The following CCDC32 variants were observed in gnomAD, a reference collection of about 807,000 sequenced individuals.
CCDC32 encodes coiled-coil domain containing 32, also known as coiled-coil domain-containing protein 32.
CCDC32 carries 9 observed loss-of-function variants against 20.1 expected under a neutral mutation model. The ratio of observed to expected loss-of-function variants is 0.45; its 90% CI spans 0.27 to 0.78. The LOEUF is 0.78. CCDC32 is among the 30% of genes least tolerant of loss of function. The pLI is 0.16. For missense variants in CCDC32, 204 were observed against 215.5 expected, an observed-to-expected ratio of 0.95 and a Z score of 0.33; for synonymous variants, 63 against 79.0, an observed-to-expected ratio of 0.80 and a Z score of 1.07.
At chr15:40,537,839 A>C (rs991060372), downstream of CCDC32, 3 of 152,356 alleles carry the variant, frequency 2.0e-5, no homozygotes, top group Admixed American at 6.5e-5. Context: ...AATCTCAGCT[A>C]CTGGGGAGGC....
intron 3 of CCDC32, among the ~76,000 whole-genome samples, chr15:40,545,211 A>G (rs1889566111): frequency 6.6e-6 from 1 of 152,202 alleles, no homozygotes; most frequent in African/African-American, 2.4e-5. Flanking sequence ...CATTCTGCTA[A>G]GCCAATATTT....
rs1417039811 is a variant in CCDC32, at chr15:40,540,880, A to C, written c.402-1525T>G. On this transcript the variant is annotated intron_variant, in intron 3 of 3. Transcript: ENST00000558113. ...CTGGTGCCCTCAGTCCAGAGAGCCCAGTGAGAAGCTGGGCCAAGAAGGAAG... is the reference window on the plus strand; with the variant it reads ...CTGGTGCCCTCAGTCCAGAGAGCCCCGTGAGAAGCTGGGCCAAGAAGGAAG... 4.6e-5 allele frequency among the ~76,000 whole-genome samples: 7 copies of C among 152,290 alleles called. No individual in the cohort carries two copies. The East Asian group carries it at 1.4e-3, about 29-fold the overall frequency.
chr15:40,539,840 CCACACACACACACACA>C (rs142688774), intron 3 of CCDC32, among the ~76,000 whole-genome samples: 12 of 134,542 alleles, frequency 8.9e-5, no homozygotes, highest in Admixed American at 1.6e-4. Context: ...CAAACTGTTG[CCACACACACACACACA>C]CACACACACA....
chr15:40,539,793 G>A (rs1889297535), intron 3 of CCDC32, among the ~76,000 whole-genome samples: 1 of 150,118 alleles, frequency 6.7e-6, no homozygotes, highest in Non-Finnish European at 1.5e-5. Context: ...GACAACATTT[G>A]CCACCTTAAG....
At chr15:40,559,352 C>T (rs1363463770) in intron 2 of CCDC32, among the ~76,000 whole-genome samples, 4 of 152,164 alleles carry the variant, frequency 2.6e-5, no homozygotes, top group Non-Finnish European at 5.9e-5. Flanking sequence ...CCTCTCAGAG[C>T]GCTGGGATTA....
downstream of CCDC32, among the ~76,000 whole-genome samples, chr15:40,523,685 C>T (rs1367729485): frequency 6.6e-6 from 1 of 151,922 alleles, no homozygotes; most frequent in African/African-American, 2.4e-5. Context: ...TAAAAAGGGT[C>T]AATAAACAAA....
chr15:40,542,770 G>T (rs1168063233), intron 3 of CCDC32, among the ~76,000 whole-genome samples: 1 of 151,962 alleles, frequency 6.6e-6, no homozygotes, highest in African/African-American at 2.4e-5. Context: ...TCAGGAGGTT[G>T]AGGCAGGAGA....
At chr15:40,521,729 T>C in the CCDC32 span, among the ~76,000 whole-genome samples, 1 of 152,244 alleles carries the variant, frequency 6.6e-6, no homozygotes, top group South Asian at 2.1e-4. Context: ...TGCCTTTCCA[T>C]GATGGCTAGT....
downstream of CCDC32, chr15:40,539,163 G>A (rs974552611): frequency 3.2e-5 from 41 of 1,295,018 alleles, no homozygotes; most frequent in Middle Eastern, 5.0e-4. Flanking sequence ...CCCAGCTCCC[G>A]CTCAAACCTG....
intron 3 of CCDC32, 68 bp downstream of exon 3, chr15:40,557,148 G>C: frequency 1.3e-6 from 2 of 1,523,540 alleles, no homozygotes; most frequent in South Asian, 2.6e-5. Flanking sequence ...TCTACTGCTG[G>C]GCTAAAAACA....
chr15:40,543,151 AC>A (rs1262290572), intron 3 of CCDC32, among the ~76,000 whole-genome samples: 2 of 151,810 alleles, frequency 1.3e-5, no homozygotes, highest in East Asian at 3.9e-4. Context: ...AAAAAAAAAA[AC>A]AAAATGGAAA....
downstream of CCDC32, chr15:40,532,068 C>T (rs1416675210): frequency 6.6e-6 from 3 of 452,128 alleles, no homozygotes; most frequent in Non-Finnish European, 1.2e-5. Context: ...GCCAACCGTA[C>T]TTAGCATAAA....
At chr15:40,528,504 G>T (rs563817755), downstream of CCDC32, among the ~76,000 whole-genome samples, 162 of 152,320 alleles carry the variant, frequency 1.1e-3, no homozygotes, top group African/African-American at 3.8e-3. Flanking sequence ...ATGGGATGCA[G>T]ACTGTGGAAT....
rs752858870 is a variant in CCDC32 at position 40,562,798 on chromosome 15, T to C, written c.218A>G (p.Asp73Gly). ...PAVKPWAPLQ[D>G]SEVYLASLEK... ...TAGAGATGCTAAATACACTTCTGAA[T>C]CCTGCAAGGGAGCCCAAGGCTTTAC... The change falls in exon 2 of 4, where the codon GAT (aspartate) becomes GGT (glycine). Residue 73 changes from aspartate (D) to glycine (G), a missense_variant. Coordinates refer to ENST00000416810, the MANE Select transcript of CCDC32 (RefSeq NM_001080792.4). The C allele has an allele frequency of 1.5e-5, 24 of 1,614,122 alleles. No homozygotes were observed. In the South Asian group the frequency reaches 2.3e-4, roughly 16 times the overall value.
At chr15:40,525,569 A>G (rs556620602), downstream of CCDC32, among the ~76,000 whole-genome samples, 1 of 152,296 alleles carries the variant, frequency 6.6e-6, no homozygotes, top group East Asian at 1.9e-4. Context: ...TATTTCCAAG[A>G]CCTCAGGGAG....
Position 40,557,218 on chromosome 15 carries a change from C to G in CCDC32, c.399G>C (p.Glu133Asp), listed in dbSNP as rs1448509833. Residue 133 changes from glutamate to aspartate, a missense_variant and splice_region_variant, in exon 3 of 4, where the codon GAG becomes GAC. By Grantham distance (45) the Glu-to-Asp change is conservative (BLOSUM62 2). Transcript: ENST00000416810. ...GAACTAGACGGGGAATCGATTACCT[C>G]TCATCAGAATCAAGTCCATCCACAA... ...EFFVDGLDSD[E>D]STLEHFKRWL... The G allele has an allele frequency of 1.2e-6, 2 of 1,610,934 alleles. No homozygotes were observed. Among genetic ancestry groups the G allele is most frequent in the South Asian group, 1.1e-5 (1 of 90,310 alleles).
rs1890735813 is a variant in CCDC32 at position 40,562,796 on chromosome 15, A to T, written c.220T>A (p.Ser74Thr). 6.2e-7 allele frequency: 1 copy of T among 1,614,054 alleles called. No homozygotes were observed. The highest frequency in any genetic ancestry group is 1.3e-5 in the African/African-American group (1 of 74,936). The change falls in exon 2 of 4, where the codon TCA (serine) becomes ACA (threonine). Residue 74 changes from serine to threonine, a missense_variant. Coordinates refer to ENST00000416810, the MANE Select transcript of CCDC32 (RefSeq NM_001080792.4). ...CCTAGAGATGCTAAATACACTTCTG[A>T]ATCCTGCAAGGGAGCCCAAGGCTTT... is the stretch of plus-strand genomic sequence containing the variant. ...AVKPWAPLQD[S>T]EVYLASLEKK... is the part of the protein sequence containing the mutation.
intron 1 of CCDC32, among the ~76,000 whole-genome samples, chr15:40,564,587 G>T (rs1471929820): frequency 2.6e-5 from 4 of 152,130 alleles, no homozygotes; most frequent in Admixed American, 2.0e-4. Context: ...TTAGAAATCA[G>T]GAAGGCTGCC....
At chr15:40,543,131 G>C (rs112818327) in intron 3 of CCDC32, among the ~76,000 whole-genome samples, 4,971 of 146,902 alleles carry the variant, frequency 0.034, 273 homozygotes, top group African/African-American at 0.12. Flanking sequence ...GACAGAGCCA[G>C]ACTCTGTCTA....
Sources: gnomAD v4.1 joint callset for allele counts (sites outside exome capture counted in the v4.1 genomes callset) on GRCh38, gnomAD v4.1.1 for gene constraint, MANE v1.5 for transcripts, NCBI Gene and HGNC (gene_info 2026-07-23, HGNC 2026-07-21) for gene names.